Variants in GUCY1A2 observed in about 807,000 individuals in gnomAD.
GUCY1A2 encodes the protein guanylate cyclase soluble subunit alpha-2.
Under a neutral mutation model 63.5 loss-of-function variants are expected in GUCY1A2, and 27 were observed. That is an observed-to-expected ratio of 0.43 (90% CI 0.31 to 0.59). The LOEUF (loss-of-function observed/expected upper bound fraction) is 0.59. Among genes scored for constraint, GUCY1A2 ranks in the 20% least tolerant of loss-of-function variants. The probability of loss-of-function intolerance (pLI) is 0.11; values close to 1 mark genes in which losing one functional copy is unlikely to be tolerated. For missense variants in GUCY1A2, 768 were observed against 913.3 expected (o/e 0.84, Z 2.05); for synonymous variants, 364 against 343.5 (o/e 1.06, Z -0.66).
At chr11:106,846,817 G>A (rs1019437798) in intron 4 of GUCY1A2, among the ~76,000 whole-genome samples, 3 of 151,548 alleles carry the variant, frequency 2.0e-5, no homozygotes, top group Non-Finnish European at 3.0e-5. Context: ...ATACAGGAAC[G>A]TTTCTGTGAA....
chr11:106,965,210 T>C (rs1052616790), intron 3 of GUCY1A2, among the ~76,000 whole-genome samples: 4 of 152,106 alleles, frequency 2.6e-5, no homozygotes, highest in Non-Finnish European at 5.9e-5. Context: ...TAAAAAACTA[T>C]ATTCAAATAT....
intron 3 of GUCY1A2, among the ~76,000 whole-genome samples, chr11:106,943,572 G>A (rs1418635411): frequency 6.6e-6 from 1 of 152,154 alleles, no homozygotes; most frequent in African/African-American, 2.4e-5. Flanking sequence ...ACCTCAGATG[G>A]CATTTCTTGA....
chr11:106,804,517 C>A (rs1044118234), intron 5 of GUCY1A2, among the ~76,000 whole-genome samples: 1 of 152,170 alleles, frequency 6.6e-6, no homozygotes, highest in Non-Finnish European at 1.5e-5. Context: ...GGAAGTGAAG[C>A]ATTTCATTTT....
At chr11:107,006,544 G>A (rs1251615388) in intron 1 of GUCY1A2, among the ~76,000 whole-genome samples, 1 of 152,174 alleles carries the variant, frequency 6.6e-6, no homozygotes, top group Non-Finnish European at 1.5e-5. Flanking sequence ...TAAAAGATAG[G>A]AAAACGGTTT....
At chr11:106,952,756 T>G (rs1205368512) in intron 3 of GUCY1A2, among the ~76,000 whole-genome samples, 1 of 152,032 alleles carries the variant, frequency 6.6e-6, no homozygotes, top group Non-Finnish European at 1.5e-5. Context: ...TTTTCCTGCC[T>G]CAGCCTCCCA....
chr11:106,808,035 A>G (rs983322044), intron 5 of GUCY1A2, among the ~76,000 whole-genome samples: 5 of 152,172 alleles, frequency 3.3e-5, no homozygotes, highest in Admixed American at 6.6e-5. Context: ...CAGATAGCCT[A>G]TGGTGGGATT....
chr11:106,692,184 G>A (rs1862636937), intron 7 of GUCY1A2, among the ~76,000 whole-genome samples: 1 of 152,122 alleles, frequency 6.6e-6, no homozygotes, highest in Admixed American at 6.5e-5. Context: ...GGCTGATATG[G>A]AAGGTTAGAT....
At chr11:106,990,490 G>A (rs761084731) in intron 1 of GUCY1A2, among the ~76,000 whole-genome samples, 3 of 152,228 alleles carry the variant, frequency 2.0e-5, no homozygotes, top group Non-Finnish European at 4.4e-5. Flanking sequence ...AGACAGTCCC[G>A]CTGAGGCTCC....
At chr11:106,921,502 T>C (rs1171669908) in intron 4 of GUCY1A2, among the ~76,000 whole-genome samples, 1 of 152,150 alleles carries the variant, frequency 6.6e-6, no homozygotes, top group Non-Finnish European at 1.5e-5. Context: ...ATAAATCTTT[T>C]AGAACTCTTC....
intron 6 of GUCY1A2, among the ~76,000 whole-genome samples, chr11:106,729,394 T>G (rs1034929935): frequency 2.6e-5 from 4 of 151,582 alleles, no homozygotes; most frequent in Admixed American, 6.6e-5. Flanking sequence ...CTAAAATATG[T>G]TTTTTTTTAA....
intron 5 of GUCY1A2, among the ~76,000 whole-genome samples, chr11:106,795,001 T>C (rs903356456): frequency 1.3e-5 from 2 of 152,170 alleles, no homozygotes; most frequent in Admixed American, 1.3e-4. Context: ...ATTTTCCACA[T>C]ATATATCGTT....
rs1365965364 is a variant in GUCY1A2, at chr11:106,682,348, T to C, written c.*5201A>G. ...AATACTTTTCAATGATTCCCAAGTC[T>C]GGCTGTATATTAGCATTACTTAGAG... On this transcript the variant is annotated 3_prime_UTR_variant, in exon 8 of 8. Transcript: ENST00000526355. The C allele has an allele frequency of 4.6e-6, 1 of 217,182 alleles. No homozygotes were observed. Among genetic ancestry groups the C allele is most frequent in the Non-Finnish European group, 9.3e-6 (1 of 107,966 alleles). The allele number at this position is 217,182 out of a possible 1,614,324, so 13.5% of individuals were successfully genotyped here.
chr11:106,774,969 T>C (rs1052145764), intron 6 of GUCY1A2, among the ~76,000 whole-genome samples: 12 of 152,216 alleles, frequency 7.9e-5, no homozygotes, highest in African/African-American at 2.4e-4. Flanking sequence ...AAAATTGTCA[T>C]TTTAATTCTG....
At chr11:106,871,233 T>C (rs1211635015) in intron 4 of GUCY1A2, among the ~76,000 whole-genome samples, 1 of 152,130 alleles carries the variant, frequency 6.6e-6, no homozygotes, top group Non-Finnish European at 1.5e-5. Context: ...GCCAGAAGAA[T>C]TAAGATGAGT....
chr11:106,758,612 T>G (rs770753755), intron 6 of GUCY1A2, among the ~76,000 whole-genome samples: 1 of 152,218 alleles, frequency 6.6e-6, no homozygotes, highest in Non-Finnish European at 1.5e-5. Context: ...AGACCACCAC[T>G]GTTGCTATTC....
chr11:106,742,464 T>A (rs1357905450), intron 6 of GUCY1A2, among the ~76,000 whole-genome samples: 1 of 152,152 alleles, frequency 6.6e-6, no homozygotes, highest in Admixed American at 6.5e-5. Context: ...CCTGCGTTAG[T>A]TTACTAAGGA....
In GUCY1A2 at chr11:107,000,435, C is replaced by T. The variant is rs370688292; in HGVS notation, c.304-14304G>A. Among the ~76,000 whole-genome samples the T allele has an allele frequency of 7.2e-5, 11 of 152,344 alleles. No individual in the cohort carries two copies. The South Asian group carries it at 1.4e-3, about 20-fold the overall frequency. The stretch of plus-strand genomic sequence containing the variant: ...TTCCATTACAACCCAATCATCTCAT[C>T]ATTATCACTCCCTACAACAATGCCT... On this transcript the variant is annotated intron_variant, in intron 1 of 7. Coordinates refer to ENST00000526355, the MANE Select transcript of GUCY1A2 (RefSeq NM_000855.3).
At chr11:106,963,261 T>C (rs1249261258) in intron 3 of GUCY1A2, among the ~76,000 whole-genome samples, 2 of 152,180 alleles carry the variant, frequency 1.3e-5, no homozygotes, top group Non-Finnish European at 2.9e-5. Flanking sequence ...ATGAGGCTTC[T>C]GAATTCAAGG....
chr11:106,743,318 T>C (rs1012798122), intron 6 of GUCY1A2, among the ~76,000 whole-genome samples: 1 of 152,168 alleles, frequency 6.6e-6, no homozygotes, highest in Non-Finnish European at 1.5e-5. Context: ...GTGACCACAA[T>C]GGTTCTAACA....
Sources: gnomAD v4.1 joint callset for allele counts (sites outside exome capture counted in the v4.1 genomes callset) on GRCh38, gnomAD v4.1.1 for gene constraint, MANE v1.5 for transcripts, NCBI Gene and HGNC (gene_info 2026-07-23, HGNC 2026-07-21) for gene names.